DNER: variants seen among roughly 807,000 people sequenced by gnomAD.
The protein encoded by DNER is delta and Notch-like epidermal growth factor-related receptor.
A neutral mutation model predicts 78.2 loss-of-function variants in DNER; 33 were observed. That is an observed-to-expected ratio of 0.42 (90% CI 0.32 to 0.56). The LOEUF (loss-of-function observed/expected upper bound fraction) is 0.56, where lower values mean the gene tolerates loss of function less well. DNER is among the 20% of genes least tolerant of loss of function. The pLI, the probability that DNER is intolerant of heterozygous loss-of-function variation, is 0.11. For synonymous variants in DNER, 417 were observed against 384.8 expected, an observed-to-expected ratio of 1.08 and a Z score of -0.98; for missense variants, 918 against 975.3, an observed-to-expected ratio of 0.94 and a Z score of 0.78.
intron 1 of DNER, among the ~76,000 whole-genome samples, chr2:229,615,218 C>T (rs1247597370): frequency 6.7e-6 from 1 of 149,754 alleles, no homozygotes; most frequent in Non-Finnish European, 1.5e-5. Context: ...TTGAGACCAG[C>T]CTGACCAACA....
At chr2:229,636,063 C>A (rs1300836079) in intron 1 of DNER, among the ~76,000 whole-genome samples, 1 of 152,056 alleles carries the variant, frequency 6.6e-6, no homozygotes, top group African/African-American at 2.4e-5. Flanking sequence ...GGATTTGAAC[C>A]CAGGCCATCT....
At chr2:229,623,558 G>A (rs574992151) in intron 1 of DNER, among the ~76,000 whole-genome samples, 25 of 152,296 alleles carry the variant, frequency 1.6e-4, no homozygotes, top group Admixed American at 2.6e-4. Flanking sequence ...CTGGGAGCCC[G>A]AGAAGGCAGG....
At chr2:229,634,494 T>G (rs1698495150) in intron 1 of DNER, among the ~76,000 whole-genome samples, 2 of 152,194 alleles carry the variant, frequency 1.3e-5, no homozygotes, top group Admixed American at 1.3e-4. Context: ...TAATTTTACT[T>G]CTGAATTCTA....
chr2:229,512,589 A>C (rs1019496082), intron 6 of DNER, among the ~76,000 whole-genome samples, 194 bp downstream of exon 6: 1 of 152,128 alleles, frequency 6.6e-6, no homozygotes, highest in African/African-American at 2.4e-5. Context: ...GGGGATGAGG[A>C]ATAAAGATCA....
At chr2:229,688,693 C>T (rs1699523608) in intron 1 of DNER, among the ~76,000 whole-genome samples, 1 of 152,142 alleles carries the variant, frequency 6.6e-6, no homozygotes, top group African/African-American at 2.4e-5. Flanking sequence ...GTGTATGTCA[C>T]TTGAGCACAT....
chr2:229,500,391 T>C (rs1003894477), intron 6 of DNER, among the ~76,000 whole-genome samples: 3 of 152,136 alleles, frequency 2.0e-5, no homozygotes, highest in Non-Finnish European at 4.4e-5. Flanking sequence ...AAAGATAATA[T>C]GTGTTGGTGA....
chr2:229,370,488 T>C (rs565895904), intron 11 of DNER, among the ~76,000 whole-genome samples: 38 of 152,200 alleles, frequency 2.5e-4, no homozygotes, highest in African/African-American at 8.4e-4. Context: ...CTGAGTAACA[T>C]AAATCACCAG....
At chr2:229,707,333 C>G (rs1485429566) in intron 1 of DNER, among the ~76,000 whole-genome samples, 3 of 151,994 alleles carry the variant, frequency 2.0e-5, no homozygotes, top group Non-Finnish European at 4.4e-5. Flanking sequence ...CAGCACCTGG[C>G]CACAGAAAAG....
At chr2:229,524,969 G>A (rs895753632) in intron 5 of DNER, among the ~76,000 whole-genome samples, 5 of 152,094 alleles carry the variant, frequency 3.3e-5, no homozygotes, top group African/African-American at 7.2e-5. Context: ...AACTCCCTTC[G>A]GGACGTCCCC....
At chr2:229,488,447 A>C (rs1406082712) in intron 6 of DNER, among the ~76,000 whole-genome samples, 4 of 152,200 alleles carry the variant, frequency 2.6e-5, no homozygotes, top group Non-Finnish European at 5.9e-5. Context: ...CATGTGTTGC[A>C]TATGCATGTA....
In DNER at chr2:229,546,954, G is replaced by A. The variant is rs780759032; in HGVS notation, c.986C>T (p.Pro329Leu). 15 of 1,613,952 alleles carry A rather than the reference G, an allele frequency of 9.3e-6. No individual in the cohort carries two copies. The highest frequency in any genetic ancestry group is 5.0e-5 in the Admixed American group (3 of 59,984). ...TACCAGGCATCCCCTTACCTCTGACGGCTTCGTGGTGCATTTTCCTTTTCC... is the reference window on the plus strand; with the variant it reads ...TACCAGGCATCCCCTTACCTCTGACAGCTTCGTGGTGCATTTTCCTTTTCC... ...CSGKGKCTTK[P>L]SEATFSCTCE... The change falls in exon 5 of 13, where the codon CCG (proline) becomes CTG (leucine). Residue 329 changes from proline (P) to leucine (L), a missense_variant. Physicochemically the swap from Pro to Leu is moderately conservative, Grantham distance 98. Coordinates refer to ENST00000341772, the MANE Select transcript of DNER (RefSeq NM_139072.4).
intron 9 of DNER, among the ~76,000 whole-genome samples, chr2:229,411,419 TG>T (rs1233000597): frequency 8.5e-5 from 13 of 152,194 alleles, no homozygotes; most frequent in African/African-American, 2.9e-4. Context: ...TAGCCGGGCA[TG>T]GTGGCACACA....
chr2:229,502,111 T>C (rs1695632926), intron 6 of DNER, among the ~76,000 whole-genome samples: 8 of 152,192 alleles, frequency 5.3e-5, no homozygotes, highest in Admixed American at 5.2e-4. Context: ...ACCAATGGCC[T>C]GGCCATATAC....
At chr2:229,388,912 T>A (rs181547091) in intron 10 of DNER, among the ~76,000 whole-genome samples, 1 of 151,882 alleles carries the variant, frequency 6.6e-6, no homozygotes, top group East Asian at 1.9e-4. Flanking sequence ...TATGTGAGAG[T>A]GGACATTTGA....
At chr2:229,499,931 C>CTTTTTT (rs58019962) in intron 6 of DNER, among the ~76,000 whole-genome samples, 2 of 134,838 alleles carry the variant, frequency 1.5e-5, no homozygotes, top group African/African-American at 5.3e-5. Flanking sequence ...GACTTTCTTT[C>CTTTTTT]TTTTTTTTTT....
intron 1 of DNER, among the ~76,000 whole-genome samples, chr2:229,684,169 A>AGAGTGTGTGTGTGT (rs1184050138): frequency 2.1e-5 from 2 of 94,602 alleles, no homozygotes; most frequent in African/African-American, 9.0e-5. Context: ...AGAGAGAGAG[A>AGAGTGTGTGTGTGT]GTGTGTGTGT....
intron 8 of DNER, among the ~76,000 whole-genome samples, chr2:229,434,911 T>C (rs528194227): frequency 3.0e-3 from 79 of 26,720 alleles, no homozygotes; most frequent in Non-Finnish European, 4.1e-3. Context: ...AGACAATTTA[T>C]ATATATATAT....
At chr2:229,592,211 T>C (rs935705857) in intron 1 of DNER, among the ~76,000 whole-genome samples, 4 of 152,178 alleles carry the variant, frequency 2.6e-5, no homozygotes, top group African/African-American at 9.7e-5. Flanking sequence ...TTAAAACTCA[T>C]TAGGAAGATG....
In DNER at chr2:229,436,106, C is replaced by T. The variant is rs555824231; in HGVS notation, c.1486+11210G>A. On this transcript the variant is annotated intron_variant, in intron 8 of 12. Coordinates refer to ENST00000341772, the MANE Select transcript of DNER (RefSeq NM_139072.4). ...GTAGTTTTTCGACCCTCATCCTCCT[C>T]CCCACTCAAGCAGGATCCAGCGTCT... Among the ~76,000 whole-genome samples the T allele has an allele frequency of 9.9e-5, 15 of 152,246 alleles. No individual in the cohort carries two copies. In the South Asian group the frequency reaches 3.1e-3, roughly 32 times the overall value.
Sources: allele counts gnomAD v4.1 joint callset (sites outside exome capture counted in the v4.1 genomes callset), GRCh38; gene constraint gnomAD v4.1.1; transcripts MANE v1.5; gene names NCBI Gene and HGNC (gene_info 2026-07-23, HGNC 2026-07-21).